The following PARVA variants were observed in gnomAD, a reference collection of about 807,000 sequenced individuals.
PARVA encodes the protein alpha-parvin.
A neutral mutation model predicts 52.6 loss-of-function variants in PARVA; 25 were observed. That is an observed-to-expected ratio of 0.48 (90% CI 0.35 to 0.66). The LOEUF is 0.66. Among genes scored for constraint, PARVA ranks in the 30% least tolerant of loss-of-function variants. The probability of loss-of-function intolerance (pLI) is 0.01; values close to 1 mark genes in which losing one functional copy is unlikely to be tolerated. For missense variants in PARVA, 373 were observed against 450.9 expected (o/e 0.83, Z 1.56); for synonymous variants, 185 against 179.1 (o/e 1.03, Z -0.26).
upstream of PARVA, chr11:12,376,647 A>G (rs571594974): frequency 1.7e-5 from 12 of 713,122 alleles, no homozygotes; most frequent in Non-Finnish European, 2.1e-5. Context: ...AGGGGCCACA[A>G]GGAGGAAACA....
At chr11:12,400,491 T>C (rs61875452) in intron 1 of PARVA, among the ~76,000 whole-genome samples, 16,586 of 152,228 alleles carry the variant, frequency 0.11, 1,281 homozygotes, top group African/African-American at 0.21. Context: ...GATCCTTCTC[T>C]TTTTCTCTGC....
chr11:12,380,974 T>G (rs529101719), intron 1 of PARVA, among the ~76,000 whole-genome samples: 14 of 152,320 alleles, frequency 9.2e-5, no homozygotes, highest in African/African-American at 3.4e-4. Flanking sequence ...CTGTTATATT[T>G]CACTGTAAAG....
At chr11:12,422,203 A>G (rs928096567) in intron 1 of PARVA, among the ~76,000 whole-genome samples, 18 of 152,210 alleles carry the variant, frequency 1.2e-4, no homozygotes, top group Non-Finnish European at 5.9e-5. Context: ...CTGAATTGCT[A>G]TATTGAATTT....
intron 1 of PARVA, among the ~76,000 whole-genome samples, chr11:12,461,028 C>T (rs1373678944): frequency 6.6e-6 from 1 of 152,158 alleles, no homozygotes; most frequent in African/African-American, 2.4e-5. Flanking sequence ...CAGCGTCCCC[C>T]CCTCTCACAT....
In PARVA at chr11:12,473,840, T is replaced by TCTTGTCTGG. The variant is rs767904666; in HGVS notation, c.226+6_226+7insCTTGTCTGG. ...CCCCGAGGACACGATGCTGGGTAAC[T>TCTTGTCTGG]GTGCTCTTGTCTCTGAATTCGCTTA... On this transcript the variant is annotated splice_region_variant and intron_variant, in intron 2 of 12. Coordinates refer to ENST00000334956, the MANE Select transcript of PARVA (RefSeq NM_018222.5). The TCTTGTCTGG allele has an allele frequency of 3.8e-6, 6 of 1,567,094 alleles. No individual in the cohort carries two copies. The Middle Eastern group carries it at 5.0e-4, about 130-fold the overall frequency.
intron 1 of PARVA, among the ~76,000 whole-genome samples, chr11:12,449,669 C>G (rs1357708431): frequency 1.3e-5 from 2 of 152,184 alleles, no homozygotes; most frequent in Admixed American, 1.3e-4. Flanking sequence ...CTCCCACCAG[C>G]CTCTCCTCCG....
chr11:12,385,351 G>T (rs746215397), intron 1 of PARVA, among the ~76,000 whole-genome samples: 1 of 152,080 alleles, frequency 6.6e-6, no homozygotes, highest in Non-Finnish European at 1.5e-5. Context: ...ATAAATAAAG[G>T]CTACCAGAAT....
intron 4 of PARVA, among the ~76,000 whole-genome samples, chr11:12,490,031 A>G (rs534399474): frequency 4.6e-5 from 7 of 152,130 alleles, no homozygotes; most frequent in African/African-American, 1.4e-4. Context: ...CCTGGCTAAC[A>G]TGGTGAAACC....
At chr11:12,408,316 G>A (rs189744865) in intron 1 of PARVA, among the ~76,000 whole-genome samples, 3 of 152,274 alleles carry the variant, frequency 2.0e-5, no homozygotes, top group Admixed American at 2.0e-4. Flanking sequence ...GTGCATTCCT[G>A]GTTTGTGGTG....
chr11:12,507,805 G>A (rs1213449819), intron 6 of PARVA, among the ~76,000 whole-genome samples: 1 of 152,244 alleles, frequency 6.6e-6, no homozygotes, highest in African/African-American at 2.4e-5. Flanking sequence ...CCATTCTCAG[G>A]TGTCTACTTC....
At chr11:12,407,607 A>G (rs1485409481) in intron 1 of PARVA, among the ~76,000 whole-genome samples, 3 of 152,144 alleles carry the variant, frequency 2.0e-5, no homozygotes, top group Non-Finnish European at 4.4e-5. Context: ...ACAGTGTCCA[A>G]TTTTTTCTCC....
intron 1 of PARVA, among the ~76,000 whole-genome samples, chr11:12,466,018 T>C (rs898725473): frequency 6.6e-6 from 1 of 152,020 alleles, no homozygotes; most frequent in East Asian, 1.9e-4. Flanking sequence ...GTGTTGTCAG[T>C]TTTTTTTGGA....
In PARVA at chr11:12,528,205, G is replaced by A. The variant is rs1941727827; in HGVS notation, c.*280G>A. ...AGGTCCAGATTTCCCTCCATGATTT[G>A]GGAACCAGCTTAGGCAAAAGAGTCC... On this transcript the variant is annotated 3_prime_UTR_variant, in exon 13 of 13. Coordinates refer to ENST00000334956, the MANE Select transcript of PARVA (RefSeq NM_018222.5). 2.0e-6 allele frequency: 1 copy of A among 496,124 alleles called. No individual in the cohort carries two copies. Among genetic ancestry groups the A allele is most frequent in the Non-Finnish European group, 3.6e-6 (1 of 276,204 alleles). 30.7% of individuals were successfully genotyped at this position (496,124 alleles called of 1,614,324 possible). A position where few individuals can be genotyped will look rare whatever the true frequency, so the allele number is the denominator to read the frequency against.
rs770517769 is a variant in PARVA, at chr11:12,527,966, G to T, written c.*41G>T. The T allele has an allele frequency of 7.0e-7, 1 of 1,438,738 alleles. No homozygotes were observed. Among genetic ancestry groups the T allele is most frequent in the South Asian group, 1.1e-5 (1 of 87,552 alleles). The allele number at this position is 1,438,738 out of a possible 1,614,324, so 89.1% of individuals were successfully genotyped here. ...CCACCACTGCCCAAGAGTTCTTGCT[G>T]TTGGCGTACTGGACCCTCCTCCGAA... is the stretch of plus-strand genomic sequence containing the variant. On this transcript the variant is annotated 3_prime_UTR_variant, in exon 13 of 13. Transcript: ENST00000334956.
chr11:12,433,021 C>T (rs189192947), intron 1 of PARVA, among the ~76,000 whole-genome samples: 7 of 152,124 alleles, frequency 4.6e-5, no homozygotes, highest in Non-Finnish European at 7.4e-5. Context: ...TGTTTTGAAT[C>T]GTTTTAATAC....
chr11:12,516,218 T>C (rs564893335), intron 10 of PARVA, among the ~76,000 whole-genome samples: 1 of 152,210 alleles, frequency 6.6e-6, no homozygotes, highest in Non-Finnish European at 1.5e-5. Context: ...GCTAGCTGGC[T>C]ACCTGGAAAG....
chr11:12,409,179 T>C (rs1426588), intron 1 of PARVA, among the ~76,000 whole-genome samples: 16,455 of 152,280 alleles, frequency 0.11, 1,067 homozygotes, highest in South Asian at 0.19. Context: ...GCCTGCTTCA[T>C]TAAACATCAA....
intron 1 of PARVA, among the ~76,000 whole-genome samples, chr11:12,407,250 T>G (rs541567180): frequency 7.8e-4 from 119 of 152,296 alleles, no homozygotes; most frequent in South Asian, 2.3e-3. Flanking sequence ...GAAATATCAA[T>G]TCCTTGGGAG....
At position 12,533,850 on chromosome 11, in the gene PARVA, TG is replaced by T. The variant is rs1286762006; in HGVS notation, c.*5926del. Among the ~76,000 whole-genome samples the T allele has an allele frequency of 2.6e-5, 4 of 151,814 alleles. No individual in the cohort carries two copies. The highest frequency in any genetic ancestry group is 5.9e-5 in the Non-Finnish European group (4 of 67,962). The stretch of plus-strand genomic sequence containing the variant: ...GAGGAGGAGTAGGGGTTGGTCTTGC[TG>T]TCTGAGGGGTGGCAGAGGCAGAAAA... On this transcript the variant is annotated 3_prime_UTR_variant, in exon 13 of 13. Coordinates refer to ENST00000334956, the MANE Select transcript of PARVA (RefSeq NM_018222.5).
Sources: gnomAD v4.1 joint callset for allele counts (sites outside exome capture counted in the v4.1 genomes callset) on GRCh38, gnomAD v4.1.1 for gene constraint, MANE v1.5 for transcripts, NCBI Gene and HGNC (gene_info 2026-07-23, HGNC 2026-07-21) for gene names.